The following HECW1 variants were observed in gnomAD, a reference collection of about 807,000 sequenced individuals.
The protein encoded by HECW1 is E3 ubiquitin-protein ligase HECW1.
In HECW1, 61 loss-of-function variants were observed where a neutral mutation model predicts 182.3. That is an observed-to-expected ratio of 0.33 (90% CI 0.27 to 0.41). HECW1 has a LOEUF of 0.41. HECW1 is among the 10% of genes least tolerant of loss of function. The pLI is 1.00. For synonymous variants in HECW1, 859 were observed against 832.6 expected, an observed-to-expected ratio of 1.03 and a Z score of -0.55; for missense variants, 1,739 against 2,108.9, an observed-to-expected ratio of 0.82 and a Z score of 3.44.
At chr7:43,271,204 A>T (rs959997990) in intron 3 of HECW1, among the ~76,000 whole-genome samples, 1 of 152,222 alleles carries the variant, frequency 6.6e-6, no homozygotes, top group African/African-American at 2.4e-5. Context: ...GTGTGGATGT[A>T]TGTACATCCA....
At chr7:43,427,525 A>G (rs1010966019) in intron 8 of HECW1, among the ~76,000 whole-genome samples, 75 of 152,320 alleles carry the variant, frequency 4.9e-4, no homozygotes, top group African/African-American at 1.7e-3. Context: ...TATCTCTATT[A>G]TGCTGTTACT....
intron 3 of HECW1, among the ~76,000 whole-genome samples, chr7:43,266,686 C>A (rs1463710302): frequency 6.6e-6 from 1 of 152,054 alleles, no homozygotes; most frequent in African/African-American, 2.4e-5. Flanking sequence ...AAATAAAGAC[C>A]AAATAAAATA....
chr7:43,549,506 A>C (rs1352250355), intron 26 of HECW1, among the ~76,000 whole-genome samples: 1 of 152,228 alleles, frequency 6.6e-6, no homozygotes, highest in Non-Finnish European at 1.5e-5. Context: ...AAGTGAATTT[A>C]AGATGACTGA....
chr7:43,352,296 G>A (rs1366544414), intron 5 of HECW1, among the ~76,000 whole-genome samples: 1 of 152,130 alleles, frequency 6.6e-6, no homozygotes, highest in African/African-American at 2.4e-5. Flanking sequence ...TATTGTATGT[G>A]TATTCCATGC....
At chr7:43,373,171 C>T (rs192992697) in intron 6 of HECW1, among the ~76,000 whole-genome samples, 8 of 150,752 alleles carry the variant, frequency 5.3e-5, no homozygotes, top group African/African-American at 1.9e-4. Flanking sequence ...TGGTGCTGCC[C>T]ATGCACGTTG....
intron 3 of HECW1, among the ~76,000 whole-genome samples, chr7:43,283,218 A>G (rs1285832036): frequency 6.6e-6 from 1 of 151,992 alleles, no homozygotes; most frequent in Non-Finnish European, 1.5e-5. Flanking sequence ...GTAAGGTCAA[A>G]ACTAATCAAA....
intron 6 of HECW1, 74 bp from the exon 7 acceptor site, chr7:43,396,740 C>A: frequency 1.0e-6 from 1 of 970,614 alleles, no homozygotes. Context: ...TGTGAATAAC[C>A]ATGCTTGTGT....
At chr7:43,557,295 C>T (rs1014360249) in intron 29 of HECW1, among the ~76,000 whole-genome samples, 1 of 152,208 alleles carries the variant, frequency 6.6e-6, no homozygotes, top group East Asian at 1.9e-4. Context: ...GCCTTCAGCT[C>T]TTTCCTCAAG....
chr7:43,118,098 A>G (rs571522674), intron 2 of HECW1: 2 of 152,796 alleles, frequency 1.3e-5, no homozygotes, highest in South Asian at 4.1e-4. Flanking sequence ...ATCTGTGCCC[A>G]TGATGACAAA....
At chr7:43,308,295 TA>T (rs1808025508) in intron 3 of HECW1, among the ~76,000 whole-genome samples, 1 of 127,368 alleles carries the variant, frequency 7.9e-6, no homozygotes, top group East Asian at 2.1e-4. Flanking sequence ...TATTTATATA[TA>T]TTATATGATA....
chr7:43,450,652 A>C (rs1340737915), intron 11 of HECW1, among the ~76,000 whole-genome samples, 176 bp from the exon 12 acceptor site: 1 of 152,190 alleles, frequency 6.6e-6, no homozygotes, highest in Non-Finnish European at 1.5e-5. Context: ...CTTTTTTAAA[A>C]AAATATTTCC....
intron 2 of HECW1, among the ~76,000 whole-genome samples, chr7:43,123,101 C>G (rs1205742460): frequency 1.3e-5 from 2 of 152,124 alleles, no homozygotes; most frequent in Non-Finnish European, 2.9e-5. Context: ...AAAGTTGTAG[C>G]CTTTAAGGGT....
chr7:43,526,415 G>A (rs1349272155), intron 24 of HECW1, among the ~76,000 whole-genome samples: 3 of 152,334 alleles, frequency 2.0e-5, no homozygotes, highest in East Asian at 1.9e-4. Flanking sequence ...GCAGATGATA[G>A]ATAACTTATG....
At chr7:43,547,218 G>A (rs1182874561) in intron 26 of HECW1, among the ~76,000 whole-genome samples, 2 of 152,102 alleles carry the variant, frequency 1.3e-5, no homozygotes, top group Non-Finnish European at 2.9e-5. Flanking sequence ...CTACAGGTAT[G>A]TATGCCATTG....
intron 6 of HECW1, among the ~76,000 whole-genome samples, chr7:43,382,652 G>GAATAGACA (rs959492430): frequency 6.6e-6 from 1 of 152,218 alleles, no homozygotes; most frequent in Non-Finnish European, 1.5e-5. Flanking sequence ...TCTGTAAGAT[G>GAATAGACA]AATAGACAGT....
intron 24 of HECW1, among the ~76,000 whole-genome samples, chr7:43,527,445 C>G (rs1030582856): frequency 6.6e-6 from 1 of 152,136 alleles, no homozygotes; most frequent in African/African-American, 2.4e-5. Flanking sequence ...CTGCATCACT[C>G]CAGTCTCTGC....
chr7:43,278,166 G>T (rs950212090), intron 3 of HECW1, among the ~76,000 whole-genome samples: 1 of 151,898 alleles, frequency 6.6e-6, no homozygotes, highest in Non-Finnish European at 1.5e-5. Flanking sequence ...TCTTCAACTG[G>T]GATGTCTTAT....
intron 2 of HECW1, among the ~76,000 whole-genome samples, chr7:43,167,942 C>CTGTA (rs1423373259): frequency 1.3e-5 from 2 of 152,198 alleles, no homozygotes; most frequent in Non-Finnish European, 2.9e-5. Flanking sequence ...GACAACCATA[C>CTGTA]TGTAAGCCCA....
chr7:43,515,763 C>T (rs1352268016), intron 24 of HECW1, among the ~76,000 whole-genome samples: 1 of 152,180 alleles, frequency 6.6e-6, no homozygotes, highest in Non-Finnish European at 1.5e-5. Context: ...GTTATTTCAA[C>T]ATTTTTAATA....
Sources: allele counts gnomAD v4.1 joint callset (sites outside exome capture counted in the v4.1 genomes callset), GRCh38; gene constraint gnomAD v4.1.1; transcripts MANE v1.5; gene names NCBI Gene and HGNC (gene_info 2026-07-23, HGNC 2026-07-21).